The following PXDNL variants were observed in gnomAD, a reference collection of about 807,000 sequenced individuals.
PXDNL encodes the protein peroxidasin like.
Under a neutral mutation model 150.8 loss-of-function variants are expected in PXDNL, and 145 were observed. The observed-to-expected ratio is 0.96, with a 90% confidence interval of 0.84 to 1.10. The LOEUF (loss-of-function observed/expected upper bound fraction) is 1.10. Ranked by LOEUF, PXDNL falls within the 50% of genes least tolerant of loss-of-function variation. The probability of loss-of-function intolerance (pLI) is 0.00; values close to 1 mark genes in which losing one functional copy is unlikely to be tolerated. For missense variants in PXDNL, 2,087 were observed against 1,873.9 expected (o/e 1.11, Z -2.10); for synonymous variants, 757 against 725.7 (o/e 1.04, Z -0.69).
At position 51,319,907 on chromosome 8, in the gene PXDNL, G is replaced by T; in HGVS notation, c.4376C>A (p.Ser1459Tyr). 1 of 1,542,890 alleles carries T rather than the reference G, an allele frequency of 6.5e-7. No individual in the cohort carries two copies. The highest frequency in any genetic ancestry group is 8.7e-7 in the Non-Finnish European group (1 of 1,147,806). Residue 1459 changes from serine to tyrosine, a missense_variant, in exon 23 of 23, where the codon TCC (serine) becomes TAC (tyrosine). Coordinates refer to ENST00000356297, the MANE Select transcript of PXDNL (RefSeq NM_144651.5). ...VCRDRGMPSD[S>Y]PEKR The stretch of plus-strand genomic sequence containing the variant: ...AAACTTTTATTAGCGCTTCTCTGGG[G>T]AATCACTTGGCATTCCTCGGTCTCT...
At chr8:51,380,281 CA>C (rs1414550005) in intron 17 of PXDNL, among the ~76,000 whole-genome samples, 1 of 152,188 alleles carries the variant, frequency 6.6e-6, no homozygotes, top group African/African-American at 2.4e-5. Flanking sequence ...ACTGGAACAT[CA>C]AGCCACCCTA....
chr8:51,806,843 A>G (rs2037681134), intron 1 of PXDNL, among the ~76,000 whole-genome samples: 1 of 152,112 alleles, frequency 6.6e-6, no homozygotes, highest in Admixed American at 6.5e-5. Flanking sequence ...CTTCATTACC[A>G]TCCCCACACA....
chr8:51,466,535 T>C (rs575488532), intron 8 of PXDNL, among the ~76,000 whole-genome samples: 10 of 152,028 alleles, frequency 6.6e-5, no homozygotes, highest in Non-Finnish European at 1.3e-4. Context: ...AAAACAAAAA[T>C]TGACAAGTGG....
At chr8:51,795,840 C>T (rs2037554876) in intron 1 of PXDNL, among the ~76,000 whole-genome samples, 1 of 152,182 alleles carries the variant, frequency 6.6e-6, no homozygotes, top group South Asian at 2.1e-4. Flanking sequence ...TACATTTATT[C>T]AGTAAAGATT....
chr8:51,356,308 G>A (rs1806506319), intron 19 of PXDNL, among the ~76,000 whole-genome samples: 3 of 152,236 alleles, frequency 2.0e-5, no homozygotes, highest in South Asian at 2.1e-4. Context: ...GGCCAACATG[G>A]TGAAACCCCA....
intron 1 of PXDNL, among the ~76,000 whole-genome samples, chr8:51,740,496 G>A (rs1303357453): frequency 6.6e-6 from 1 of 152,150 alleles, no homozygotes; most frequent in East Asian, 1.9e-4. Context: ...AGCATCTGTT[G>A]CTTCTTGACT....
intron 11 of PXDNL, among the ~76,000 whole-genome samples, 187 bp downstream of exon 11, chr8:51,448,811 ACACT>A (rs1320291438): frequency 2.6e-5 from 4 of 152,230 alleles, no homozygotes; most frequent in African/African-American, 9.6e-5. Context: ...GGAAGGCCAC[ACACT>A]CAAATGCCAA....
intron 1 of PXDNL, among the ~76,000 whole-genome samples, chr8:51,671,355 G>C (rs575640757): frequency 4.6e-5 from 7 of 152,150 alleles, no homozygotes; most frequent in African/African-American, 1.7e-4. Context: ...AAATTTTATA[G>C]TGTCCTCCTT....
At position 51,408,513 on chromosome 8, in the gene PXDNL, G is replaced by GT; in HGVS notation, c.3110dup (p.Asn1037LysfsTer10). 2 of 1,613,218 alleles carry GT rather than the reference G, an allele frequency of 1.2e-6. No homozygotes were observed. The highest frequency in any genetic ancestry group is 1.7e-6 in the Non-Finnish European group (2 of 1,179,532). The stretch of plus-strand genomic sequence containing the variant: ...TAATGATGCCTGCATTCACGTTGGG[G>GT]TTGTAGCCTCGGTAACCCCTCAGCA... On this transcript the variant is annotated frameshift_variant, in exon 17 of 23. Transcript: ENST00000356297. LOFTEE classifies it high-confidence loss of function.
At chr8:51,531,209 T>C (rs1012703106) in intron 4 of PXDNL, among the ~76,000 whole-genome samples, 1 of 152,150 alleles carries the variant, frequency 6.6e-6, no homozygotes, top group African/African-American at 2.4e-5. Flanking sequence ...AGCTACCAAA[T>C]TGCTTAACCA....
chr8:51,580,246 C>T (rs1289621145), intron 3 of PXDNL, among the ~76,000 whole-genome samples: 1 of 151,932 alleles, frequency 6.6e-6, no homozygotes, highest in African/African-American at 2.4e-5. Flanking sequence ...TGTATCAATG[C>T]CAGTATTCTG....
At chr8:51,750,684 T>C (rs1173304089) in intron 1 of PXDNL, among the ~76,000 whole-genome samples, 1 of 152,254 alleles carries the variant, frequency 6.6e-6, no homozygotes, top group Admixed American at 6.5e-5. Flanking sequence ...TGATGGTCTC[T>C]TATTTACTAC....
intron 4 of PXDNL, among the ~76,000 whole-genome samples, chr8:51,529,914 C>G (rs1033741461): frequency 1.3e-5 from 2 of 151,876 alleles, no homozygotes; most frequent in African/African-American, 4.8e-5. Context: ...CTGGCCTCTA[C>G]TTACAAGATG....
intron 4 of PXDNL, among the ~76,000 whole-genome samples, chr8:51,544,534 C>T (rs1331899796): frequency 1.3e-5 from 2 of 152,044 alleles, no homozygotes; most frequent in East Asian, 3.9e-4. Flanking sequence ...CTGATGTAGC[C>T]AACACATAGA....
At chr8:51,753,231 G>A (rs1309689391) in intron 1 of PXDNL, among the ~76,000 whole-genome samples, 1 of 152,108 alleles carries the variant, frequency 6.6e-6, no homozygotes, top group African/African-American at 2.4e-5. Context: ...AAGCTATAAT[G>A]TGCTATTGGC....
At chr8:51,628,941 A>G (rs1343363414) in intron 2 of PXDNL, among the ~76,000 whole-genome samples, 2 of 152,212 alleles carry the variant, frequency 1.3e-5, no homozygotes, top group African/African-American at 4.8e-5. Flanking sequence ...CATATTATCT[A>G]TTCAAAATAT....
intron 1 of PXDNL, among the ~76,000 whole-genome samples, chr8:51,659,491 A>T (rs921620239): frequency 6.6e-6 from 1 of 152,214 alleles, no homozygotes. Flanking sequence ...CCAAAAAGAG[A>T]TGAAAATGAC....
chr8:51,452,417 A>AT (rs1381681603), intron 10 of PXDNL, among the ~76,000 whole-genome samples: 1 of 152,086 alleles, frequency 6.6e-6, no homozygotes, highest in Admixed American at 6.6e-5. Flanking sequence ...GAAAAACACA[A>AT]TTTTTTTTCC....
chr8:51,690,299 T>C (rs997675080), intron 1 of PXDNL, among the ~76,000 whole-genome samples: 1 of 152,144 alleles, frequency 6.6e-6, no homozygotes. Flanking sequence ...TAGGTATATC[T>C]CCTAATGCTA....
Sources: allele counts gnomAD v4.1 joint callset (sites outside exome capture counted in the v4.1 genomes callset), GRCh38; gene constraint gnomAD v4.1.1; transcripts MANE v1.5; gene names NCBI Gene and HGNC (gene_info 2026-07-23, HGNC 2026-07-21).